The following TMEM131L variants were observed in gnomAD, a reference collection of about 807,000 sequenced individuals.
TMEM131L encodes transmembrane protein 131-like.
A neutral mutation model predicts 192.2 loss-of-function variants in TMEM131L; 54 were observed. That is an observed-to-expected ratio of 0.28 (90% CI 0.23 to 0.35). TMEM131L has a LOEUF of 0.35. Ranked by LOEUF, TMEM131L falls within the 10% of genes least tolerant of loss-of-function variation. The probability of loss-of-function intolerance (pLI) is 1.00; values close to 1 mark genes in which losing one functional copy is unlikely to be tolerated. For synonymous variants in TMEM131L, 701 were observed against 704.9 expected (o/e 0.99, Z 0.09); for missense variants, 1,888 against 1,972.9 (o/e 0.96, Z 0.82).
At chr4:153,557,572 C>G (rs921186191) in intron 6 of TMEM131L, among the ~76,000 whole-genome samples, 2 of 152,144 alleles carry the variant, frequency 1.3e-5, no homozygotes, top group Admixed American at 6.5e-5. Flanking sequence ...CTTGAAGAAT[C>G]TTGTTGCTAT....
Position 153,624,311 on chromosome 4 carries a change from G to A in TMEM131L, c.4045+1228G>A, listed in dbSNP as rs1053104546. Among the ~76,000 whole-genome samples, 9 of 152,104 alleles carry A rather than the reference G, an allele frequency of 5.9e-5. No homozygotes were observed. In the East Asian group the frequency reaches 1.7e-3, roughly 29 times the overall value. On this transcript the variant is annotated intron_variant, in intron 29 of 34. Transcript: ENST00000409959. ...TTTTTGTATTGTTAGTAGAGACGGG[G>A]TTTCATCATGTTGCCCAGGCTGGTC...
Position 153,473,980 on chromosome 4 carries a change from G to A in TMEM131L, c.239+92G>A. On this transcript the variant is annotated intron_variant, in intron 3 of 34. Coordinates refer to ENST00000409959, the MANE Select transcript of TMEM131L (RefSeq NM_001131007.2). ...AGTCTCAGTATATGTCCATGTTTAT[G>A]TATTTAGTAGTATCTGTAATACACC... 1.1e-5 allele frequency: 8 copies of A among 752,190 alleles called. No homozygotes were observed. In the South Asian group the frequency reaches 1.3e-4, roughly 12 times the overall value. 46.6% of individuals were successfully genotyped at this position (752,190 alleles called of 1,614,324 possible). A position where few individuals can be genotyped will look rare whatever the true frequency, so the allele number is the denominator to read the frequency against.
intron 2 of TMEM131L, among the ~76,000 whole-genome samples, chr4:153,469,904 C>A (rs1731032352): frequency 6.6e-6 from 1 of 151,476 alleles, no homozygotes; most frequent in South Asian, 2.1e-4. Context: ...CCAGCCTGGG[C>A]AACAAGAGCA....
chr4:153,513,805 C>T (rs1751515464), intron 3 of TMEM131L, among the ~76,000 whole-genome samples: 1 of 152,104 alleles, frequency 6.6e-6, no homozygotes, highest in African/African-American at 2.4e-5. Context: ...CAAAAATCAC[C>T]TCTTTATGAC....
Position 153,622,953 on chromosome 4 carries a change from C to T in TMEM131L, c.3915C>T (p.Ser1305=), listed in dbSNP as rs757323039. 1.3e-5 allele frequency: 21 copies of T among 1,614,132 alleles called. No homozygotes were observed. The Admixed American group carries it at 3.0e-4, about 23-fold the overall frequency. ...GTGTGGACAAGTTCTGCTCCGATTC[C>T]AGCTCTGACTGTGGGAGCTCCTCTG... ...KKCVDKFCSD[S]SSDCGSSSGS... is the part of the protein sequence containing the mutation. Residue 1305 remains serine (S), a synonymous_variant, in exon 29 of 35, where the codon TCC becomes TCT. Transcript: ENST00000409959.
intron 3 of TMEM131L, among the ~76,000 whole-genome samples, chr4:153,478,879 G>T (rs1364142986): frequency 6.7e-6 from 1 of 148,970 alleles, no homozygotes; most frequent in African/African-American, 2.6e-5. Flanking sequence ...GCTTAATGAA[G>T]GTCAGGTGGA....
rs187875257 is a variant in TMEM131L at position 153,503,555 on chromosome 4, A to G, written c.239+29667A>G. On this transcript the variant is annotated intron_variant, in intron 3 of 34. Transcript: ENST00000409959. ...AGGATATACTATTGGGTAAACAGAA[A>G]TACTAATAGTTAAAAAAAATTGGTG... 1.2e-3 allele frequency among the ~76,000 whole-genome samples: 190 copies of G among 152,334 alleles called. 1 individual carries two copies. The highest frequency in any genetic ancestry group is 4.4e-3 in the African/African-American group (182 of 41,584).
intron 7 of TMEM131L, among the ~76,000 whole-genome samples, chr4:153,580,383 A>C (rs1489415933): frequency 6.6e-6 from 1 of 151,910 alleles, no homozygotes; most frequent in African/African-American, 2.4e-5. Flanking sequence ...CTTGAGGGTC[A>C]TGGTTTCTAG....
At chr4:153,502,157 C>T (rs78611455) in intron 3 of TMEM131L, among the ~76,000 whole-genome samples, 4,014 of 152,008 alleles carry the variant, frequency 0.026, 165 homozygotes, top group African/African-American at 0.09. Context: ...CTTCCCGGGC[C>T]GGTCTCCAAC....
chr4:153,621,741 A>G lies in TMEM131L; in HGVS notation c.3751A>G (p.Ser1251Gly), dbSNP rs146063669. Reference protein sequence around the residue: ...VCSDFERSELSSDINVRSWCI... With the variant: ...VCSDFERSELGSDINVRSWCI... ...CAGTGACTTTGAGAGGTCTGAGCTG[A>G]GCAGTGACATCAATGTAAGAAGCTG... The change falls in exon 28 of 35, where the codon AGC becomes GGC. Residue 1251 changes from serine to glycine, a missense_variant. Transcript: ENST00000409959. The G allele has an allele frequency of 3.4e-5, 55 of 1,614,048 alleles. No individual in the cohort carries two copies. The highest frequency in any genetic ancestry group is 4.7e-5 in the Non-Finnish European group (55 of 1,180,018).
At chr4:153,581,654 A>G in intron 9 of TMEM131L, 94 bp downstream of exon 9, 1 of 795,856 alleles carries the variant, frequency 1.3e-6, no homozygotes, top group African/African-American at 1.8e-5. Flanking sequence ...TAGCAAACCA[A>G]GACAAATAGC....
chr4:153,586,355 A>C lies in TMEM131L; in HGVS notation c.1458A>C (p.Leu486=). 2 of 1,604,204 alleles carry C rather than the reference A, an allele frequency of 1.2e-6. No homozygotes were observed. Among genetic ancestry groups the C allele is most frequent in the Non-Finnish European group, 1.7e-6 (2 of 1,176,630 alleles). The change falls in exon 14 of 35, where the codon CTA becomes CTC. Residue 486 remains leucine, a synonymous_variant. Transcript: ENST00000409959. ...TNIGAIFAIP[L]QIYSAPTKEG... ...TAGGTGCCATTTTTGCAATACCTCTACAGATTTATTCAGCACCAACCAAGG... is the reference window on the plus strand; with the variant it reads ...TAGGTGCCATTTTTGCAATACCTCTCCAGATTTATTCAGCACCAACCAAGG...
intron 3 of TMEM131L, among the ~76,000 whole-genome samples, chr4:153,494,322 T>G (rs1733007408): frequency 6.6e-6 from 1 of 152,194 alleles, no homozygotes. Flanking sequence ...CTGTTTATAT[T>G]GGGGAAAAAT....
chr4:153,579,663 C>A (rs1339856360), intron 7 of TMEM131L, among the ~76,000 whole-genome samples: 1 of 152,024 alleles, frequency 6.6e-6, no homozygotes, highest in African/African-American at 2.4e-5. Context: ...CTAGTAGAGA[C>A]GGGGTTTTGC....
rs147018076 is a variant in TMEM131L at position 153,512,844 on chromosome 4, C to T, written c.240-37229C>T. 2.4e-3 allele frequency among the ~76,000 whole-genome samples: 368 copies of T among 152,234 alleles called. 1 individual carries two copies. Among genetic ancestry groups the T allele is most frequent in the African/African-American group, 8.2e-3 (340 of 41,530 alleles). On this transcript the variant is annotated intron_variant, in intron 3 of 34. Coordinates refer to ENST00000409959, the MANE Select transcript of TMEM131L (RefSeq NM_001131007.2). ...GGCCAAGATGGTCTCGATCTCTTGA[C>T]CTCGTGATCCGCCGACCTCAGCCTC... is the stretch of plus-strand genomic sequence containing the variant.
Position 153,466,541 on chromosome 4 carries a change from G to C in TMEM131L, c.124+20G>C, listed in dbSNP as rs1381536822. The C allele has an allele frequency of 1.5e-6, 2 of 1,314,982 alleles. No homozygotes were observed. The highest frequency in any genetic ancestry group is 1.9e-6 in the Non-Finnish European group (2 of 1,026,200). The allele number at this position is 1,314,982 out of a possible 1,614,324, so 81.5% of individuals were successfully genotyped here. A position where few individuals can be genotyped will look rare whatever the true frequency, so the allele number is the denominator to read the frequency against. On this transcript the variant is annotated intron_variant, in intron 1 of 34. Coordinates refer to ENST00000409959, the MANE Select transcript of TMEM131L (RefSeq NM_001131007.2). ...GACAAGGTCAGCCTTGCGCCGCTGG[G>C]CTCGCTCTGCCTCTCCACCCCGCCC...
chr4:153,489,438 A>T (rs1178676954), intron 3 of TMEM131L, among the ~76,000 whole-genome samples: 1 of 152,204 alleles, frequency 6.6e-6, no homozygotes, highest in Non-Finnish European at 1.5e-5. Flanking sequence ...GAGCACGTCC[A>T]AGGAAAATTC....
At chr4:153,519,689 G>T (rs1734972846) in intron 3 of TMEM131L, among the ~76,000 whole-genome samples, 1 of 152,196 alleles carries the variant, frequency 6.6e-6, no homozygotes, top group Non-Finnish European at 1.5e-5. Flanking sequence ...CAATTTCAGA[G>T]ACAGAAATGA....
chr4:153,557,107 C>G, intron 6 of TMEM131L, 25 bp downstream of exon 6: 1 of 1,130,616 alleles, frequency 8.8e-7, no homozygotes, highest in Middle Eastern at 2.0e-4. Flanking sequence ...CCTTTTGTCA[C>G]AACTTTGGTT....
Sources: gnomAD v4.1 joint callset for allele counts (sites outside exome capture counted in the v4.1 genomes callset) on GRCh38, gnomAD v4.1.1 for gene constraint, MANE v1.5 for transcripts, NCBI Gene and HGNC (gene_info 2026-07-23, HGNC 2026-07-21) for gene names.